Variants in GUCY1A2 observed in about 807,000 individuals in gnomAD.
GUCY1A2 encodes the protein guanylate cyclase soluble subunit alpha-2.
A neutral mutation model predicts 63.5 loss-of-function variants in GUCY1A2; 27 were observed. The observed-to-expected ratio is 0.43, with a 90% CI of 0.31 to 0.59. The LOEUF (loss-of-function observed/expected upper bound fraction) is 0.59. Ranked by LOEUF, GUCY1A2 falls within the 20% of genes least tolerant of loss-of-function variation. The pLI, the probability that GUCY1A2 is intolerant of heterozygous loss-of-function variation, is 0.11. For synonymous variants in GUCY1A2, 364 were observed against 343.5 expected (o/e 1.06, Z -0.66); for missense variants, 768 against 913.3 (o/e 0.84, Z 2.05).
chr11:106,855,298 A>G (rs1859413858), intron 4 of GUCY1A2, among the ~76,000 whole-genome samples: 2 of 151,950 alleles, frequency 1.3e-5, no homozygotes, highest in Admixed American at 1.3e-4. Context: ...GGGATCTCTC[A>G]CCTACCTTTT....
At chr11:106,778,499 A>C (rs568288293) in intron 5 of GUCY1A2, among the ~76,000 whole-genome samples, 2 of 152,248 alleles carry the variant, frequency 1.3e-5, no homozygotes, top group East Asian at 3.9e-4. Flanking sequence ...CTCTACTAAA[A>C]GTACAAAAAG....
chr11:106,783,022 TG>T (rs2135407188), intron 5 of GUCY1A2, among the ~76,000 whole-genome samples: 1 of 152,282 alleles, frequency 6.6e-6, no homozygotes, highest in Non-Finnish European at 1.5e-5. Flanking sequence ...GGAACGCCCA[TG>T]GGACATACTC....
At chr11:106,730,489 A>G (rs1052075809) in intron 6 of GUCY1A2, among the ~76,000 whole-genome samples, 4 of 151,948 alleles carry the variant, frequency 2.6e-5, no homozygotes, top group Non-Finnish European at 5.9e-5. Flanking sequence ...GGTATATATG[A>G]ACAACATTTT....
chr11:106,713,427 C>A (rs1437094225), intron 6 of GUCY1A2, among the ~76,000 whole-genome samples: 1 of 149,792 alleles, frequency 6.7e-6, no homozygotes, highest in Admixed American at 6.7e-5. Flanking sequence ...CAGTATTCCT[C>A]TTAAACAAAC....
intron 4 of GUCY1A2, among the ~76,000 whole-genome samples, chr11:106,878,968 T>A (rs1859788737): frequency 1.3e-5 from 2 of 152,062 alleles, no homozygotes; most frequent in Admixed American, 6.6e-5. Context: ...TGTGATAATT[T>A]CGTTACAACA....
intron 5 of GUCY1A2, among the ~76,000 whole-genome samples, chr11:106,784,032 C>A (rs1377701271): frequency 6.6e-6 from 1 of 152,080 alleles, no homozygotes; most frequent in South Asian, 2.1e-4. Flanking sequence ...TTTGCCTCCT[C>A]CTTCATCTCT....
At chr11:106,890,874 C>A (rs868085710) in intron 4 of GUCY1A2, among the ~76,000 whole-genome samples, 1 of 152,074 alleles carries the variant, frequency 6.6e-6, no homozygotes, top group African/African-American at 2.4e-5. Context: ...TAATGTTATA[C>A]CCTATTAAAG....
At chr11:106,895,809 C>T (rs761528085) in intron 4 of GUCY1A2, among the ~76,000 whole-genome samples, 58 of 151,926 alleles carry the variant, frequency 3.8e-4, no homozygotes, top group Non-Finnish European at 6.9e-4. Context: ...GAAAAGAAAA[C>T]GACAGACTGA....
intron 6 of GUCY1A2, among the ~76,000 whole-genome samples, chr11:106,712,576 C>A (rs1863139443): frequency 2.1e-5 from 3 of 144,092 alleles, no homozygotes; most frequent in African/African-American, 8.4e-5. Flanking sequence ...AATTTGACTT[C>A]TTAAGTGCTG....
At chr11:106,861,589 G>A (rs1055455724) in intron 4 of GUCY1A2, among the ~76,000 whole-genome samples, 24 of 151,976 alleles carry the variant, frequency 1.6e-4, no homozygotes, top group African/African-American at 5.6e-4. Context: ...GCAAGTTAAA[G>A]GGATGTTCTT....
chr11:106,808,096 T>C (rs946404389), intron 5 of GUCY1A2, among the ~76,000 whole-genome samples: 1 of 152,174 alleles, frequency 6.6e-6, no homozygotes, highest in African/African-American at 2.4e-5. Context: ...CCCTTTCATA[T>C]ATACATCTAT....
chr11:106,952,441 A>T (rs945335506), intron 3 of GUCY1A2, among the ~76,000 whole-genome samples: 3 of 151,998 alleles, frequency 2.0e-5, no homozygotes, highest in African/African-American at 7.3e-5. Context: ...GTTCTCCTTG[A>T]AGAGGTCTTC....
chr11:106,787,962 CT>C (rs1207810564), intron 5 of GUCY1A2, among the ~76,000 whole-genome samples: 1 of 152,058 alleles, frequency 6.6e-6, no homozygotes, highest in Non-Finnish European at 1.5e-5. Context: ...AACCTACAAA[CT>C]ATTCCCCATA....
At chr11:106,851,222 G>A (rs1462508220) in intron 4 of GUCY1A2, among the ~76,000 whole-genome samples, 1 of 151,076 alleles carries the variant, frequency 6.6e-6, no homozygotes, top group African/African-American at 2.4e-5. Flanking sequence ...CTGTTGATTT[G>A]TCTGAGTTCC....
chr11:106,713,564 T>A (rs1441406630), intron 6 of GUCY1A2, among the ~76,000 whole-genome samples: 3 of 136,928 alleles, frequency 2.2e-5, no homozygotes, highest in Non-Finnish European at 4.6e-5. Context: ...TGGAGTGCAG[T>A]GGCGCGATCT....
chr11:106,705,268 C>G (rs1188419533), intron 7 of GUCY1A2, among the ~76,000 whole-genome samples: 2 of 152,108 alleles, frequency 1.3e-5, no homozygotes, highest in Admixed American at 6.6e-5. Flanking sequence ...ATGATTTAGA[C>G]AGTCATCAGT....
intron 4 of GUCY1A2, among the ~76,000 whole-genome samples, chr11:106,895,354 A>G (rs1173843392): frequency 1.3e-5 from 2 of 152,174 alleles, no homozygotes; most frequent in East Asian, 1.9e-4. Context: ...TTCCCATAAT[A>G]TAGAAGTGAT....
intron 4 of GUCY1A2, among the ~76,000 whole-genome samples, chr11:106,906,870 G>A (rs1451994372): frequency 6.6e-6 from 1 of 152,098 alleles, no homozygotes; most frequent in African/African-American, 2.4e-5. Flanking sequence ...TCACTCATAG[G>A]TGGGAGTTGA....
intron 3 of GUCY1A2, among the ~76,000 whole-genome samples, chr11:106,946,027 A>C (rs1291604071): frequency 6.6e-6 from 1 of 152,130 alleles, no homozygotes; most frequent in South Asian, 2.1e-4. Flanking sequence ...CCAAACTACC[A>C]CAAGGTAAAT....
Sources: allele counts gnomAD v4.1 joint callset (sites outside exome capture counted in the v4.1 genomes callset), GRCh38; gene constraint gnomAD v4.1.1; transcripts MANE v1.5; gene names NCBI Gene and HGNC (gene_info 2026-07-23, HGNC 2026-07-21).